Variants in RHBDL2 observed in about 807,000 individuals in gnomAD.
RHBDL2 encodes rhomboid like 2.
A neutral mutation model predicts 31.7 loss-of-function variants in RHBDL2; 26 were observed. The ratio of observed to expected loss-of-function variants is 0.82; its 90% CI spans 0.60 to 1.14. The LOEUF (loss-of-function observed/expected upper bound fraction) is 1.14. Ranked by LOEUF, RHBDL2 falls within the 50% of genes most tolerant of loss-of-function variation. RHBDL2 has a pLI of 0.00. For missense variants in RHBDL2, 336 were observed against 364.4 expected (o/e 0.92, Z 0.63); for synonymous variants, 123 against 127.2 (o/e 0.97, Z 0.22).
At position 38,886,616 on chromosome 1, in the gene RHBDL2, C is replaced by A. The variant is rs773456702; in HGVS notation, c.800G>T (p.Cys267Phe). ...GMSIGYTVFS[C>F]FDKALLKDPR... ...ATCTTTCAGCAGTGCTTTATCAAAG[C>A]AGCTAAACACCGTGTAGCCAATGGA... Residue 267 changes from cysteine (C) to phenylalanine (F), a missense_variant, in exon 8 of 8, where the codon TGC becomes TTC. By Grantham distance (205) the Cys-to-Phe change is radical. Coordinates refer to ENST00000372990, the MANE Select transcript of RHBDL2 (RefSeq NM_017821.5). 3 of 1,605,986 alleles carry A rather than the reference C, an allele frequency of 1.9e-6. No individual in the cohort carries two copies. In the East Asian group the frequency reaches 6.7e-5, roughly 36 times the overall value.
At chr1:38,890,521 C>G (rs1642841095) in intron 6 of RHBDL2, among the ~76,000 whole-genome samples, 1 of 152,126 alleles carries the variant, frequency 6.6e-6, no homozygotes, top group African/African-American at 2.4e-5. Context: ...TCATCTTGCC[C>G]CTTCCTATAT....
At chr1:38,887,395 T>C (rs1642797267) in intron 7 of RHBDL2, among the ~76,000 whole-genome samples, 1 of 151,958 alleles carries the variant, frequency 6.6e-6, no homozygotes. Context: ...CAACTGCTTT[T>C]TATTCTATGT....
chr1:38,921,655 C>A (rs930851654), intron 1 of RHBDL2, among the ~76,000 whole-genome samples: 1 of 152,092 alleles, frequency 6.6e-6, no homozygotes, highest in Non-Finnish European at 1.5e-5. Context: ...TTTTCCCCAG[C>A]AAATTTTCTG....
chr1:38,896,934 C>A (rs1390265640), intron 4 of RHBDL2, among the ~76,000 whole-genome samples: 1 of 152,048 alleles, frequency 6.6e-6, no homozygotes, highest in African/African-American at 2.4e-5. Flanking sequence ...AGTAATTTTA[C>A]AAAGAGATGA....
intron 4 of RHBDL2, among the ~76,000 whole-genome samples, chr1:38,906,661 G>T (rs972008614): frequency 6.8e-6 from 1 of 146,922 alleles, no homozygotes; most frequent in Non-Finnish European, 1.5e-5. Flanking sequence ...GCGACAGAGC[G>T]ACACTCCATC....
chr1:38,907,259 G>A (rs566228044), intron 4 of RHBDL2, among the ~76,000 whole-genome samples: 2 of 152,210 alleles, frequency 1.3e-5, no homozygotes, highest in South Asian at 4.1e-4. Context: ...AAAAGTAAAG[G>A]CCAGGTGCAG....
At chr1:38,940,773 G>A (rs546088303) in intron 1 of RHBDL2, among the ~76,000 whole-genome samples, 27 of 152,280 alleles carry the variant, frequency 1.8e-4, no homozygotes, top group Admixed American at 8.5e-4. Context: ...GCTGGCCGCC[G>A]TGCCTCAGTT....
chr1:38,912,985 T>TGTGTGTA (rs780852288), intron 3 of RHBDL2, among the ~76,000 whole-genome samples: 1 of 139,790 alleles, frequency 7.2e-6, no homozygotes, highest in African/African-American at 2.7e-5. Context: ...TGTGTGTGTA[T>TGTGTGTA]TTTTTTTTTT....
At chr1:38,911,135 A>T (rs187910481) in intron 4 of RHBDL2, among the ~76,000 whole-genome samples, 187 bp downstream of exon 4, 4 of 152,194 alleles carry the variant, frequency 2.6e-5, no homozygotes, top group Non-Finnish European at 2.9e-5. Context: ...GACAGGCACA[A>T]TGACTTGTCT....
At chr1:38,912,904 ATATATATGTGTGTGTG>A (rs1314028175) in intron 3 of RHBDL2, among the ~76,000 whole-genome samples, 88 of 32,582 alleles carry the variant, frequency 2.7e-3, no homozygotes, top group Middle Eastern at 0.022. Flanking sequence ...ATATATATAT[ATATATATGTGTGTGTG>A]TGTGTGTGTG....
chr1:38,929,401 T>C, intron 1 of RHBDL2: 2 of 1,289,378 alleles, frequency 1.6e-6, no homozygotes, highest in South Asian at 2.5e-5. Context: ...TCACCTTCCC[T>C]TCTTCGCCTC....
chr1:38,911,602 C>CTGTGTGTGTGTGTG (rs56978792), intron 3 of RHBDL2, among the ~76,000 whole-genome samples, 168 bp from the exon 4 acceptor site: 2 of 142,292 alleles, frequency 1.4e-5, no homozygotes, highest in East Asian at 4.2e-4. Flanking sequence ...TTTCTTTTTT[C>CTGTGTGTGTGTGTG]TGTGTGTGTG....
intron 1 of RHBDL2, among the ~76,000 whole-genome samples, chr1:38,921,133 G>A (rs990990492): frequency 2.0e-5 from 3 of 152,198 alleles, no homozygotes; most frequent in Non-Finnish European, 4.4e-5. Flanking sequence ...TCTGGGCCGG[G>A]CGTGGTGGCT....
At position 38,886,832 on chromosome 1, in the gene RHBDL2, A is replaced by G. The variant is rs41270785; in HGVS notation, c.733-149T>C. On this transcript the variant is annotated intron_variant, in intron 7 of 7. Coordinates refer to ENST00000372990, the MANE Select transcript of RHBDL2 (RefSeq NM_017821.5). ...GAACTAGGGGTAAGGCAAAAGAGAC[A>G]CAAAACTCCATGTGCACAGAGAGAA... 33 of 481,396 alleles carry G rather than the reference A, an allele frequency of 6.9e-5. No homozygotes were observed. In the East Asian group the frequency reaches 1.0e-3, roughly 15 times the overall value. The allele number at this position is 481,396 out of a possible 1,614,324, so 29.8% of individuals were successfully genotyped here. A position where few individuals can be genotyped will look rare whatever the true frequency, so the allele number is the denominator to read the frequency against.
chr1:38,937,584 A>G (rs1643524286), intron 1 of RHBDL2, among the ~76,000 whole-genome samples: 1 of 152,106 alleles, frequency 6.6e-6, no homozygotes, highest in Admixed American at 6.6e-5. Flanking sequence ...CCGCATCCCC[A>G]GTTCCAGGAC....
chr1:38,929,336 G>A (rs970402740), intron 1 of RHBDL2: 30 of 1,203,044 alleles, frequency 2.5e-5, no homozygotes, highest in East Asian at 1.1e-4. Context: ...GGACACAAGC[G>A]TCCAGGACGG....
At position 38,886,366 on chromosome 1, in the gene RHBDL2, T is replaced by G; in HGVS notation, c.*138A>C. On this transcript the variant is annotated 3_prime_UTR_variant, in exon 8 of 8. Transcript: ENST00000372990. ...TTTTATAGGCAATCTTTGCAACTGA[T>G]GAGTTTAATGCTGTTTTGTCCTCTA... The G allele has an allele frequency of 1.2e-5, 6 of 505,342 alleles. No individual in the cohort carries two copies. Among genetic ancestry groups the G allele is most frequent in the Non-Finnish European group, 1.6e-5 (5 of 310,116 alleles). 31.3% of individuals were successfully genotyped at this position (505,342 alleles called of 1,614,324 possible).
In RHBDL2 at chr1:38,919,255, G is replaced by A. The variant is rs541363999; in HGVS notation, c.-43C>T. The A allele has an allele frequency of 1.1e-5, 18 of 1,613,626 alleles. No homozygotes were observed. In the South Asian group the frequency reaches 1.5e-4, roughly 14 times the overall value. On this transcript the variant is annotated 5_prime_UTR_variant, in exon 2 of 8. Coordinates refer to ENST00000372990, the MANE Select transcript of RHBDL2 (RefSeq NM_017821.5). ...CCTCCCCAGAAGGACATGAATCCCAGGGAACAGCAGGTGGCCCTAGGTCCT... is the reference window on the plus strand; with the variant it reads ...CCTCCCCAGAAGGACATGAATCCCAAGGAACAGCAGGTGGCCCTAGGTCCT...
intron 3 of RHBDL2, among the ~76,000 whole-genome samples, chr1:38,913,988 G>A (rs983662626): frequency 6.6e-6 from 1 of 151,824 alleles, no homozygotes; most frequent in African/African-American, 2.4e-5. Flanking sequence ...GTGGTGGCAC[G>A]TGCCTGTAAT....
Sources: gnomAD v4.1 joint callset for allele counts (sites outside exome capture counted in the v4.1 genomes callset) on GRCh38, gnomAD v4.1.1 for gene constraint, MANE v1.5 for transcripts, NCBI Gene and HGNC (gene_info 2026-07-23, HGNC 2026-07-21) for gene names.